Variants in DMD observed in about 807,000 individuals in gnomAD.
The protein encoded by DMD is dystrophin.
Under a neutral mutation model 330.1 loss-of-function variants are expected in DMD, and 63 were observed. The observed-to-expected ratio is 0.19, with a 90% CI of 0.16 to 0.24. The LOEUF (loss-of-function observed/expected upper bound fraction) is 0.24. Ranked by LOEUF, DMD falls within the 10% of genes least tolerant of loss-of-function variation. The probability of loss-of-function intolerance (pLI) is 1.00; values close to 1 mark genes in which losing one functional copy is unlikely to be tolerated. For missense variants in DMD, 3,344 were observed against 2,684.1 expected (o/e 1.25, Z -5.43); for synonymous variants, 1,223 against 959.8 (o/e 1.27, Z -5.07).
At chrX:32,378,736 G>A (rs2097913774) in intron 34 of DMD, among the ~76,000 whole-genome samples, 1 of 110,732 alleles carries the variant, frequency 9.0e-6, no homozygotes, top group South Asian at 3.7e-4. Flanking sequence ...TACTTGGAAT[G>A]ATCGGCAACT....
At chrX:31,157,467 G>C (rs142838763) in intron 74 of DMD, among the ~76,000 whole-genome samples, 7 of 112,036 alleles carry the variant, frequency 6.2e-5, no homozygotes, top group African/African-American at 9.7e-5. Context: ...GGAAAAACTA[G>C]GATTGGAGAG....
chrX:32,728,588 T>C (rs1335999653), intron 7 of DMD, among the ~76,000 whole-genome samples: 1 of 112,312 alleles, frequency 8.9e-6, no homozygotes, highest in Admixed American at 9.4e-5. Flanking sequence ...AGTTAAATTG[T>C]GTTAGCAACA....
At chrX:32,766,175 C>T (rs923631179) in intron 7 of DMD, among the ~76,000 whole-genome samples, 1 of 110,815 alleles carries the variant, frequency 9.0e-6, no homozygotes, top group Non-Finnish European at 1.9e-5. Context: ...TCAACTATTC[C>T]TGGATCCATG....
At chrX:31,404,524 G>A (rs1236116784) in intron 60 of DMD, among the ~76,000 whole-genome samples, 1 of 112,035 alleles carries the variant, frequency 8.9e-6, no homozygotes, top group Non-Finnish European at 1.9e-5. Flanking sequence ...CCATAACACT[G>A]CACAGATGTC....
At chrX:31,332,413 C>T (rs2057179219) in intron 61 of DMD, among the ~76,000 whole-genome samples, 1 of 111,553 alleles carries the variant, frequency 9.0e-6, no homozygotes, top group African/African-American at 3.3e-5. Context: ...GTGGATACAG[C>T]TGACAGAGAG....
At chrX:31,329,556 T>G in intron 61 of DMD, among the ~76,000 whole-genome samples, 1 of 111,710 alleles carries the variant, frequency 9.0e-6, no homozygotes, top group Middle Eastern at 4.6e-3. Flanking sequence ...AACGAGAAAT[T>G]GTTATTCAAT....
In DMD at chrX:32,927,540, C is replaced by T. The variant is rs150696130; in HGVS notation, c.94-77720G>A. Among the ~76,000 whole-genome samples the T allele has an allele frequency of 3.8e-3, 421 of 109,366 alleles. 2 individuals carry two copies. The highest frequency in any genetic ancestry group is 6.4e-3 in the Non-Finnish European group (338 of 52,609). 95.0% of individuals were successfully genotyped at this position (109,366 alleles called of 115,157 possible). On this transcript the variant is annotated intron_variant, in intron 2 of 78. Transcript: ENST00000357033. Reference sequence around the variant, plus strand: ...CAGGTGACCCGCTGCCTCGGACGCCCGGCCGCAAGTCTTTCTTTTATCTTA... The same window carrying T: ...CAGGTGACCCGCTGCCTCGGACGCCTGGCCGCAAGTCTTTCTTTTATCTTA...
At chrX:31,726,208 G>A (rs747446998) in intron 52 of DMD, among the ~76,000 whole-genome samples, 2 of 112,147 alleles carry the variant, frequency 1.8e-5, no homozygotes, top group African/African-American at 6.5e-5. Flanking sequence ...CAGATACCAC[G>A]GTAATAGTTT....
chrX:32,329,525 C>A (rs1414876495), intron 41 of DMD, among the ~76,000 whole-genome samples: 1 of 111,991 alleles, frequency 8.9e-6, no homozygotes. Context: ...AGGACTAGAT[C>A]TCTTAATTTT....
At chrX:33,189,206 T>C (rs1323090128) in intron 1 of DMD, among the ~76,000 whole-genome samples, 1 of 111,285 alleles carries the variant, frequency 9.0e-6, no homozygotes, top group Non-Finnish European at 1.9e-5. Context: ...ATGAACTCTG[T>C]TGCTCACATG....
chrX:32,660,949 C>A (rs1164117981), intron 9 of DMD, among the ~76,000 whole-genome samples: 2 of 111,066 alleles, frequency 1.8e-5, no homozygotes, highest in African/African-American at 6.5e-5. Flanking sequence ...ATAGACATAG[C>A]AGCACATCAA....
At chrX:33,196,517 G>A (rs1455050815) in intron 1 of DMD, among the ~76,000 whole-genome samples, 2 of 111,559 alleles carry the variant, frequency 1.8e-5, no homozygotes, top group Non-Finnish European at 3.8e-5. Context: ...ATTCACACAC[G>A]CACAAACATA....
chrX:31,496,635 G>A lies in DMD; in HGVS notation c.8547+153C>T, dbSNP rs6418632. Among the ~76,000 whole-genome samples, 34,649 of 111,498 alleles carry A rather than the reference G, an allele frequency of 0.31. 4,102 individuals are homozygous for A. Among genetic ancestry groups the A allele is most frequent in the East Asian group, 0.46 (1,640 of 3,531 alleles). On this transcript the variant is annotated intron_variant, in intron 57 of 78. Transcript: ENST00000357033. The stretch of plus-strand genomic sequence containing the variant: ...CACAAATGTGTTTGACATTTACAGT[G>A]TAATGGCTTAGATTATTTATAATTG...
chrX:32,752,672 G>A (rs1233313579), intron 7 of DMD, among the ~76,000 whole-genome samples: 1 of 107,940 alleles, frequency 9.3e-6, no homozygotes, highest in Non-Finnish European at 1.9e-5. Flanking sequence ...AGGGGCCGGG[G>A]GTGGAATGAT....
intron 11 of DMD, among the ~76,000 whole-genome samples, chrX:32,631,374 C>T (rs761305877): frequency 9.0e-6 from 1 of 111,655 alleles, no homozygotes; most frequent in Admixed American, 9.5e-5. Flanking sequence ...ACTCTACAAT[C>T]GGCAGGTGGC....
At chrX:31,989,664 AAG>A (rs2095536170) in intron 44 of DMD, among the ~76,000 whole-genome samples, 1 of 111,568 alleles carries the variant, frequency 9.0e-6, no homozygotes, top group Admixed American at 9.6e-5. Flanking sequence ...AAAAAACATA[AAG>A]AGAGGATTTT....
intron 16 of DMD, 114 bp downstream of exon 16, chrX:32,565,588 A>G: frequency 1.3e-6 from 1 of 762,479 alleles, no homozygotes; most frequent in Non-Finnish European, 2.0e-6. Context: ...TTAACTAAAC[A>G]CAGGGCAAAA....
chrX:32,142,112 G>A (rs1249623527), intron 44 of DMD, among the ~76,000 whole-genome samples: 2 of 110,780 alleles, frequency 1.8e-5, no homozygotes, highest in Non-Finnish European at 3.8e-5. Flanking sequence ...GTTAGAGGAT[G>A]GTGCAAGGGG....
At chrX:31,249,228 C>T (rs931048214) in intron 63 of DMD, among the ~76,000 whole-genome samples, 2 of 111,452 alleles carry the variant, frequency 1.8e-5, no homozygotes, top group East Asian at 2.8e-4. Flanking sequence ...ACTAGTACCA[C>T]CATCATTTAT....
Sources: gnomAD v4.1 joint callset for allele counts (sites outside exome capture counted in the v4.1 genomes callset) on GRCh38, gnomAD v4.1.1 for gene constraint, MANE v1.5 for transcripts, NCBI Gene and HGNC (gene_info 2026-07-23, HGNC 2026-07-21) for gene names.